Variants in VSIG10L2 observed in about 807,000 individuals in gnomAD.
The protein encoded by VSIG10L2 is V-set and immunoglobulin domain-containing protein 10-like 2.
In VSIG10L2, 56 loss-of-function variants were observed where a neutral mutation model predicts 67.1. The ratio of observed to expected loss-of-function variants is 0.83; its 90% CI spans 0.67 to 1.04. The LOEUF (loss-of-function observed/expected upper bound fraction) is 1.04. VSIG10L2 is among the 50% of genes least tolerant of loss of function. VSIG10L2 has a pLI of 0.00. For missense variants in VSIG10L2, 843 were observed against 932.8 expected, an observed-to-expected ratio of 0.90 and a Z score of 1.25; for synonymous variants, 360 against 396.6, an observed-to-expected ratio of 0.91 and a Z score of 1.10.
Position 125,954,285 on chromosome 11 carries a change from G to A in VSIG10L2, c.1985G>A (p.Arg662Gln), listed in dbSNP as rs1175758266. The A allele has an allele frequency of 5.7e-6, 7 of 1,232,094 alleles. No individual in the cohort carries two copies. The highest frequency in any genetic ancestry group is 6.3e-5 in the East Asian group (2 of 31,710). The allele number at this position is 1,232,094 out of a possible 1,614,324, so 76.3% of individuals were successfully genotyped here. ...GACATCGAGCCAGAGAGCCGAGGACGGCGGCTGGGGGGCTTGGACCCCGGG... is the reference window on the plus strand; with the variant it reads ...GACATCGAGCCAGAGAGCCGAGGACAGCGGCTGGGGGGCTTGGACCCCGGG... Reference protein sequence around the residue: ...ASDIEPESRGRRLGGLDPGVL... With the variant: ...ASDIEPESRGQRLGGLDPGVL... Residue 662 changes from arginine to glutamine, a missense_variant, in exon 8 of 12, where the codon CGG becomes CAG. Arg to Gln is a conservative substitution (Grantham distance 43). Transcript: ENST00000686984.
chr11:125,951,463 T>C (rs2134304825), intron 5 of VSIG10L2, among the ~76,000 whole-genome samples: 1 of 152,334 alleles, frequency 6.6e-6, no homozygotes, highest in South Asian at 2.1e-4. Flanking sequence ...CTGACGCATG[T>C]TGGGCTTGAA....
intron 11 of VSIG10L2, 25 bp from the exon 12 acceptor site, chr11:125,955,792 C>A: frequency 3.4e-6 from 3 of 880,056 alleles, no homozygotes; most frequent in South Asian, 2.9e-5. Context: ...TCCCTCTGTT[C>A]TTTGCCCACA....
chr11:125,951,271 C>T (rs1945365598), intron 5 of VSIG10L2, 113 bp downstream of exon 5: 4 of 1,020,064 alleles, frequency 3.9e-6, no homozygotes, highest in Non-Finnish European at 5.0e-6. Flanking sequence ...CCGCAGGCTC[C>T]AAAACACGCC....
At position 125,948,526 on chromosome 11, in the gene VSIG10L2, G is replaced by A. The variant is rs1303943317; in HGVS notation, c.655G>A (p.Ala219Thr). The change falls in exon 3 of 12, where the codon GCC (alanine) becomes ACC (threonine). Residue 219 changes from alanine (A) to threonine (T), a missense_variant. By Grantham distance (58) the Ala-to-Thr change is moderately conservative. Coordinates refer to ENST00000686984, the MANE Select transcript of VSIG10L2 (RefSeq NM_001365077.2). The part of the protein sequence containing the change: ...RTHLGWYMCS[A>T]SNSVNRLSSD... ...ACACCTAGGGTGGTACATGTGCAGC[G>A]CCAGCAACTCCGTGAACAGGCTGAG... The A allele has an allele frequency of 7.3e-6, 9 of 1,232,070 alleles. No individual in the cohort carries two copies. Among genetic ancestry groups the A allele is most frequent in the East Asian group, 6.3e-5 (2 of 31,704 alleles). 76.3% of individuals were successfully genotyped at this position (1,232,070 alleles called of 1,614,324 possible).
intron 7 of VSIG10L2, among the ~76,000 whole-genome samples, 193 bp downstream of exon 7, chr11:125,953,883 A>T (rs1945412752): frequency 6.6e-6 from 1 of 152,242 alleles, no homozygotes; most frequent in Middle Eastern, 3.2e-3. Context: ...CACGGCAAAC[A>T]GAACGCCATG....
chr11:125,953,316 C>G, intron 6 of VSIG10L2, 84 bp from the exon 7 acceptor site: 1 of 1,145,904 alleles, frequency 8.7e-7, no homozygotes, highest in African/African-American at 1.6e-5. Flanking sequence ...CCCGCTCCAT[C>G]TCTTCTCCAT....
chr11:125,952,183 C>T, intron 6 of VSIG10L2, 110 bp downstream of exon 6: 1 of 1,381,788 alleles, frequency 7.2e-7, no homozygotes, highest in Non-Finnish European at 9.5e-7. Flanking sequence ...GAAAGTGAGT[C>T]AGTGCGGACG....
At chr11:125,951,782 C>T in intron 5 of VSIG10L2, 31 bp from the exon 6 acceptor site, 1 of 1,448,966 alleles carries the variant, frequency 6.9e-7, no homozygotes, top group Non-Finnish European at 9.1e-7. Flanking sequence ...CCTCCTTCCA[C>T]AGGGCCATAC....
chr11:125,953,875 C>T (rs1441093493), intron 7 of VSIG10L2, among the ~76,000 whole-genome samples, 185 bp downstream of exon 7: 2 of 152,210 alleles, frequency 1.3e-5, no homozygotes, highest in Non-Finnish European at 2.9e-5. Flanking sequence ...GCTGCACTCA[C>T]GGCAAACAGA....
intron 3 of VSIG10L2, among the ~76,000 whole-genome samples, chr11:125,949,054 G>A (rs1452060767): frequency 2.6e-5 from 4 of 152,202 alleles, no homozygotes; most frequent in East Asian, 1.9e-4. Flanking sequence ...GTGTATCTTC[G>A]GTCACTTGAG....
Position 125,948,324 on chromosome 11 carries a change from A to G in VSIG10L2, c.453A>G (p.Gln151=). The change falls in exon 3 of 12, where the codon CAA becomes CAG. Residue 151 remains glutamine (Q), a synonymous_variant. Coordinates refer to ENST00000686984, the MANE Select transcript of VSIG10L2 (RefSeq NM_001365077.2). ...GGCCAGTGCCGGTGTCCAAGCCTCA[A>G]GTGCGACTGAGTAACCCGTCCCCTG... The part of the protein sequence containing the change: ...LAVLVPVSKP[Q]VRLSNPSPVE... The G allele has an allele frequency of 8.1e-7, 1 of 1,232,590 alleles. No homozygotes were observed. Among genetic ancestry groups the G allele is most frequent in the Non-Finnish European group, 1.0e-6 (1 of 988,320 alleles). 76.4% of individuals were successfully genotyped at this position (1,232,590 alleles called of 1,614,324 possible).
intron 1 of VSIG10L2, chr11:125,947,335 C>A: frequency 2.7e-6 from 2 of 732,822 alleles, no homozygotes; most frequent in South Asian, 6.2e-5. Flanking sequence ...GATTCCTGGG[C>A]CCTGACCCCC....
Position 125,952,010 on chromosome 11 carries a change from GA to G in VSIG10L2, c.1433del (p.Glu478GlyfsTer118), listed in dbSNP as rs1945381808. ...LQAQEDLAGR[E>X]FTCRGTHLLR... ...GGCCCAAGAAGATCTGGCTGGCAGA[GA>G]GTTCACCTGCCGGGGCACTCACCTG... On this transcript the variant is annotated frameshift_variant, in exon 6 of 12. Transcript: ENST00000686984. LOFTEE classifies it high-confidence loss of function. 6.5e-7 allele frequency: 1 copy of G among 1,536,138 alleles called. No homozygotes were observed. Among genetic ancestry groups the G allele is most frequent in the African/African-American group, 1.4e-5 (1 of 73,178 alleles).
chr11:125,954,476 C>A, intron 8 of VSIG10L2, 93 bp downstream of exon 8: 1 of 1,073,682 alleles, frequency 9.3e-7, no homozygotes. Flanking sequence ...CTCCTCTCTT[C>A]CTTTGCTCGC....
chr11:125,954,415 T>C, intron 8 of VSIG10L2, 32 bp downstream of exon 8: 1 of 1,231,850 alleles, frequency 8.1e-7, no homozygotes, highest in Non-Finnish European at 1.0e-6. Context: ...GGACCCACCT[T>C]TTCTCCAAAG....
rs921363595 is a variant in VSIG10L2 at position 125,950,131 on chromosome 11, G to C, written c.827G>C (p.Ser276Thr). ...LSCLAASNPP[S>T]HYVWLRDHTQ... ...TGTCTGGCTGCCTCCAACCCACCTAGTCACTATGTGTGGCTCCGTGACCAC... is the reference window on the plus strand; with the variant it reads ...TGTCTGGCTGCCTCCAACCCACCTACTCACTATGTGTGGCTCCGTGACCAC... Residue 276 changes from serine (S) to threonine (T), a missense_variant, in exon 4 of 12, where the codon AGT becomes ACT. Physicochemically the swap from Ser to Thr is moderately conservative, Grantham distance 58. Coordinates refer to ENST00000686984, the MANE Select transcript of VSIG10L2 (RefSeq NM_001365077.2). 3 of 1,232,294 alleles carry C rather than the reference G, an allele frequency of 2.4e-6. No individual in the cohort carries two copies. The African/African-American group carries it at 4.7e-5, about 19-fold the overall frequency. The allele number at this position is 1,232,294 out of a possible 1,614,324, so 76.3% of individuals were successfully genotyped here. A position where few individuals can be genotyped will look rare whatever the true frequency, so the allele number is the denominator to read the frequency against.
intron 3 of VSIG10L2, 119 bp downstream of exon 3, chr11:125,948,699 A>C: frequency 9.0e-7 from 1 of 1,105,478 alleles, no homozygotes; most frequent in Non-Finnish European, 1.1e-6. Flanking sequence ...CTCGCCCTCT[A>C]AAAGTCTCCA....
chr11:125,948,708 C>T, intron 3 of VSIG10L2, 128 bp downstream of exon 3: 1 of 1,056,552 alleles, frequency 9.5e-7, no homozygotes, highest in Non-Finnish European at 1.2e-6. Flanking sequence ...TAAAAGTCTC[C>T]AGCAGGCAAG....
At chr11:125,951,775 C>T (rs1945375361) in intron 5 of VSIG10L2, 38 bp from the exon 6 acceptor site, 1 of 1,443,552 alleles carries the variant, frequency 6.9e-7, no homozygotes, top group African/African-American at 1.4e-5. Context: ...AGCCCTTCCT[C>T]CTTCCACAGG....
Sources: gnomAD v4.1 joint callset for allele counts (sites outside exome capture counted in the v4.1 genomes callset) on GRCh38, gnomAD v4.1.1 for gene constraint, MANE v1.5 for transcripts, NCBI Gene and HGNC (gene_info 2026-07-23, HGNC 2026-07-21) for gene names.